The following CPD variants were observed in gnomAD, a reference collection of about 807,000 sequenced individuals.
CPD encodes the protein metallocarboxypeptidase D.
Under a neutral mutation model 138.3 loss-of-function variants are expected in CPD, and 69 were observed. That is an observed-to-expected ratio of 0.50 (90% CI 0.41 to 0.61). The LOEUF is 0.61. Among genes scored for constraint, CPD ranks in the 20% least tolerant of loss-of-function variants. The probability of loss-of-function intolerance (pLI) is 0.00; values close to 1 mark genes in which losing one functional copy is unlikely to be tolerated. For missense variants in CPD, 1,432 were observed against 1,733.3 expected, an observed-to-expected ratio of 0.83 and a Z score of 3.09; for synonymous variants, 651 against 642.1, an observed-to-expected ratio of 1.01 and a Z score of -0.21.
chr17:30,439,006 G>A lies in CPD; in HGVS notation c.2159G>A (p.Cys720Tyr). Residue 720 changes from cysteine (C) to tyrosine (Y), a missense_variant, in exon 9 of 21, where the codon TGC becomes TAC. Around this residue, in one of 6 missense-constraint regions of CPD, gnomAD observed 297 missense variants for 405.3 expected, o/e 0.73. Transcript: ENST00000225719. ...ENSQMFQGRP[C>Y]KNMYPNEYFP... Reference sequence around the variant, plus strand: ...TCCCAGATGTTTCAAGGTAGACCTTGCAAGAATATGTATCCTAATGAATAT... The same window carrying A: ...TCCCAGATGTTTCAAGGTAGACCTTACAAGAATATGTATCCTAATGAATAT... 6.3e-7 allele frequency: 1 copy of A among 1,585,318 alleles called. No individual in the cohort carries two copies. The highest frequency in any genetic ancestry group is 8.5e-7 in the Non-Finnish European group (1 of 1,171,054).
At chr17:30,423,193 A>G (rs1912313944) in intron 5 of CPD, among the ~76,000 whole-genome samples, 170 bp downstream of exon 5, 1 of 152,212 alleles carries the variant, frequency 6.6e-6, no homozygotes, top group Non-Finnish European at 1.5e-5. Context: ...CTTTTCCCAG[A>G]AGAGAAGGAA....
intron 7 of CPD, 133 bp downstream of exon 7, chr17:30,427,691 G>A: frequency 1.3e-6 from 1 of 742,270 alleles, no homozygotes; most frequent in Non-Finnish European, 2.2e-6. Context: ...GCAGACAACA[G>A]TAAAGGTCTT....
intron 14 of CPD, among the ~76,000 whole-genome samples, chr17:30,453,027 C>A (rs757600083): frequency 7.2e-5 from 11 of 152,160 alleles, no homozygotes; most frequent in Admixed American, 7.2e-4. Flanking sequence ...CCTCCCACAA[C>A]AAGTGGGAAT....
At chr17:30,390,020 A>AT (rs1307779393) in intron 2 of CPD, among the ~76,000 whole-genome samples, 3,049 of 142,556 alleles carry the variant, frequency 0.021, 37 homozygotes, top group Middle Eastern at 0.048. Context: ...TCCTGGAGTA[A>AT]TTTTTTTTTT....
chr17:30,446,125 T>C, intron 12 of CPD, 105 bp downstream of exon 12: 1 of 834,414 alleles, frequency 1.2e-6, no homozygotes, highest in East Asian at 2.7e-5. Context: ...GGGAACAGAA[T>C]GTACAGAGAG....
intron 2 of CPD, among the ~76,000 whole-genome samples, chr17:30,388,342 G>C (rs1172265478): frequency 1.3e-5 from 2 of 152,192 alleles, no homozygotes; most frequent in Admixed American, 1.3e-4. Context: ...CCAGGAGCTA[G>C]TCTGCCTCTT....
intron 6 of CPD, among the ~76,000 whole-genome samples, chr17:30,426,199 CAAAA>C (rs35054719): frequency 3.8e-5 from 4 of 105,446 alleles, no homozygotes; most frequent in Admixed American, 9.7e-5. Context: ...GGCTCCGTCT[CAAAA>C]AAAAAAAAAA....
chr17:30,418,015 CCTGA>C (rs1204406934), intron 2 of CPD, among the ~76,000 whole-genome samples: 2 of 152,036 alleles, frequency 1.3e-5, no homozygotes, highest in Non-Finnish European at 2.9e-5. Context: ...AGCCATTTTC[CCTGA>C]CTGCAGTGCT....
chr17:30,467,976 G>A lies in CPD; in HGVS notation c.*3162G>A, dbSNP rs1305315837. 1.3e-5 allele frequency: 2 copies of A among 152,050 alleles called. No individual in the cohort carries two copies. Among genetic ancestry groups the A allele is most frequent in the Non-Finnish European group, 2.9e-5 (2 of 67,966 alleles). The allele number at this position is 152,050 out of a possible 1,614,324, so 9.4% of individuals were successfully genotyped here. On this transcript the variant is annotated 3_prime_UTR_variant, in exon 21 of 21. Coordinates refer to ENST00000225719, the MANE Select transcript of CPD (RefSeq NM_001304.5). The stretch of plus-strand genomic sequence containing the variant: ...TACCAAAAATTCCACTATGATTGAT[G>A]TTCAGTGATTTTCTATAGCAACTTT...
chr17:30,469,923 T>C lies in CPD; in HGVS notation c.*5109T>C, dbSNP rs972524271. ...TTCATAAACAGTAATCTAGTTATTATGTTCAGCTTTTCAGATTTATAATAG... is the reference window on the plus strand; with the variant it reads ...TTCATAAACAGTAATCTAGTTATTACGTTCAGCTTTTCAGATTTATAATAG... On this transcript the variant is annotated 3_prime_UTR_variant, in exon 21 of 21. Transcript: ENST00000225719. 6.6e-6 allele frequency: 1 copy of C among 152,160 alleles called. No individual in the cohort carries two copies. Among genetic ancestry groups the C allele is most frequent in the Non-Finnish European group, 1.5e-5 (1 of 68,002 alleles). The allele number at this position is 152,160 out of a possible 1,614,324, so 9.4% of individuals were successfully genotyped here.
chr17:30,419,633 A>G (rs1597718760), intron 2 of CPD, among the ~76,000 whole-genome samples: 1 of 152,102 alleles, frequency 6.6e-6, no homozygotes, highest in Non-Finnish European at 1.5e-5. Flanking sequence ...GGGCCATTGC[A>G]CCCAGCCTAA....
chr17:30,446,970 C>T (rs1406375968), intron 12 of CPD, among the ~76,000 whole-genome samples: 2 of 152,308 alleles, frequency 1.3e-5, no homozygotes, highest in East Asian at 3.9e-4. Flanking sequence ...GCATAAATGT[C>T]TTCTTTTGAG....
chr17:30,401,247 T>TCTTCTC (rs11278275), intron 2 of CPD, among the ~76,000 whole-genome samples: 5 of 150,076 alleles, frequency 3.3e-5, no homozygotes, highest in Admixed American at 6.6e-5. Flanking sequence ...TGCTGCTGCT[T>TCTTCTC]CTTCTCCTTC....
intron 2 of CPD, among the ~76,000 whole-genome samples, chr17:30,415,634 A>G (rs1478969519): frequency 2.0e-5 from 3 of 152,220 alleles, no homozygotes; most frequent in Non-Finnish European, 4.4e-5. Context: ...AAGAAGATAT[A>G]CACATGGCCA....
chr17:30,398,812 T>G (rs897517365), intron 2 of CPD, among the ~76,000 whole-genome samples: 1 of 150,962 alleles, frequency 6.6e-6, no homozygotes, highest in Non-Finnish European at 1.5e-5. Flanking sequence ...TTAAAATAAT[T>G]AAAAAAATAA....
intron 2 of CPD, among the ~76,000 whole-genome samples, chr17:30,385,905 C>G (rs1274697980): frequency 6.6e-6 from 1 of 151,800 alleles, no homozygotes; most frequent in Non-Finnish European, 1.5e-5. Flanking sequence ...CCCAGCAAGA[C>G]TATTATATAG....
At chr17:30,429,897 G>C (rs1245384916) in intron 7 of CPD, among the ~76,000 whole-genome samples, 3 of 152,142 alleles carry the variant, frequency 2.0e-5, no homozygotes, top group Non-Finnish European at 4.4e-5. Context: ...GATGGTACCA[G>C]GAAGGTGCCT....
chr17:30,429,612 A>T (rs1350258140), intron 7 of CPD, among the ~76,000 whole-genome samples: 1 of 152,194 alleles, frequency 6.6e-6, no homozygotes, highest in African/African-American at 2.4e-5. Flanking sequence ...ATTTTATTTG[A>T]TGTTTGTATG....
intron 2 of CPD, among the ~76,000 whole-genome samples, chr17:30,389,102 T>C (rs1911277116): frequency 6.6e-6 from 1 of 152,214 alleles, no homozygotes; most frequent in Admixed American, 6.5e-5. Flanking sequence ...TCCCCCGCTG[T>C]GCTGCTCTGG....
Sources: gnomAD v4.1 joint callset for allele counts (sites outside exome capture counted in the v4.1 genomes callset) on GRCh38, gnomAD v4.1.1 for gene constraint, gnomAD v4.1.1 regional missense constraint, MANE v1.5 for transcripts, NCBI Gene and HGNC (gene_info 2026-07-23, HGNC 2026-07-21) for gene names.